Variants in CDH11 observed in about 807,000 individuals in gnomAD.
CDH11 encodes the protein cadherin 11, also known as cadherin-11.
Under a neutral mutation model 67.8 loss-of-function variants are expected in CDH11, and 11 were observed. The observed-to-expected ratio is 0.16, with a 90% CI of 0.10 to 0.27. The LOEUF is 0.27. CDH11 is among the 10% of genes least tolerant of loss of function. The probability of loss-of-function intolerance (pLI) is 1.00; values close to 1 mark genes in which losing one functional copy is unlikely to be tolerated. For synonymous variants in CDH11, 419 were observed against 400.0 expected (o/e 1.05, Z -0.57); for missense variants, 847 against 1,031.2 (o/e 0.82, Z 2.45).
intron 1 of CDH11, among the ~76,000 whole-genome samples, chr16:65,109,867 T>C (rs2075127262): frequency 6.8e-6 from 1 of 147,856 alleles, no homozygotes; most frequent in African/African-American, 2.5e-5. Flanking sequence ...CAAATTGGAC[T>C]ATTCAATGTT....
rs1373413516 is a variant in CDH11, at chr16:64,947,685, T to C, written c.2309A>G (p.Asp770Gly). 2.6e-5 allele frequency: 42 copies of C among 1,614,002 alleles called. No homozygotes were observed. The highest frequency in any genetic ancestry group is 3.6e-5 in the Non-Finnish European group (42 of 1,180,020). Residue 770 changes from aspartate to glycine, a missense_variant, in exon 13 of 13, where the codon GAT becomes GGT. Transcript: ENST00000268603. ...ACGAGGTCCCCAGTTCTGTAGATAA[T>C]CATAGTCCAAGTCTGAATCTGTGGT... is the stretch of plus-strand genomic sequence containing the variant. ...SATTDSDLDYDYLQNWGPRFK... is the reference protein window; with the variant it reads ...SATTDSDLDYGYLQNWGPRFK...
At chr16:65,113,851 G>A (rs1010660152) in intron 1 of CDH11, among the ~76,000 whole-genome samples, 2 of 152,104 alleles carry the variant, frequency 1.3e-5, no homozygotes, top group Non-Finnish European at 2.9e-5. Flanking sequence ...AGATGCTGGC[G>A]ACAATCTTAA....
Position 64,947,450 on chromosome 16 carries a change from G to T in CDH11, c.*153C>A. 6.9e-7 allele frequency: 1 copy of T among 1,445,582 alleles called. No homozygotes were observed. The highest frequency in any genetic ancestry group is 9.1e-7 in the Non-Finnish European group (1 of 1,099,404). 89.5% of individuals were successfully genotyped at this position (1,445,582 alleles called of 1,614,324 possible). On this transcript the variant is annotated 3_prime_UTR_variant, in exon 13 of 13. Coordinates refer to ENST00000268603, the MANE Select transcript of CDH11 (RefSeq NM_001797.4). ...ATTTCACAGTATTTACCACTTTGATGTCCTCGCAGTTTTATTAAATGTATC... is the reference window on the plus strand; with the variant it reads ...ATTTCACAGTATTTACCACTTTGATTTCCTCGCAGTTTTATTAAATGTATC...
At chr16:64,954,734 C>A (rs566347868) in intron 11 of CDH11, among the ~76,000 whole-genome samples, 1 of 152,210 alleles carries the variant, frequency 6.6e-6, no homozygotes, top group East Asian at 1.9e-4. Flanking sequence ...AGCCTTCTCT[C>A]AGAAGTGGCA....
chr16:65,025,099 A>G (rs1300259463), intron 2 of CDH11, among the ~76,000 whole-genome samples: 1 of 152,202 alleles, frequency 6.6e-6, no homozygotes, highest in Non-Finnish European at 1.5e-5. Context: ...GGCCCTGCTC[A>G]GGAGGCTGTG....
intron 3 of CDH11, among the ~76,000 whole-genome samples, chr16:65,000,696 C>CT (rs1467085965): frequency 6.6e-6 from 1 of 152,018 alleles, no homozygotes; most frequent in African/African-American, 2.4e-5. Context: ...GTAATCCCAG[C>CT]TACTTGGGAG....
rs574951199 is a variant in CDH11, at chr16:65,090,342, T to C, written c.-298+31538A>G. Among the ~76,000 whole-genome samples, 13 of 152,270 alleles carry C rather than the reference T, an allele frequency of 8.5e-5. No homozygotes were observed. The South Asian group carries it at 1.9e-3, about 22-fold the overall frequency. ...CAACTAACAATATTGTGTCTCTCAG[T>C]TGATTATGCTGGATACTTCATTCTG... On this transcript the variant is annotated intron_variant, in intron 1 of 12. Transcript: ENST00000268603.
chr16:65,014,314 A>T (rs2073249614), intron 2 of CDH11, among the ~76,000 whole-genome samples: 1 of 83,990 alleles, frequency 1.2e-5, no homozygotes, highest in Non-Finnish European at 3.5e-5. Flanking sequence ...CCATATATTT[A>T]AAAGTTCAAA....
chr16:65,081,493 C>T (rs1241450633), intron 1 of CDH11, among the ~76,000 whole-genome samples: 3 of 150,854 alleles, frequency 2.0e-5, no homozygotes, highest in East Asian at 2.0e-4. Flanking sequence ...GGCGTGAACC[C>T]GGGAGGCGGA....
intron 8 of CDH11, among the ~76,000 whole-genome samples, chr16:64,979,261 C>T (rs2072261561): frequency 6.6e-6 from 1 of 152,088 alleles, no homozygotes; most frequent in Non-Finnish European, 1.5e-5. Flanking sequence ...ACCAGCGTGG[C>T]CAACATGGCA....
intron 8 of CDH11, among the ~76,000 whole-genome samples, chr16:64,980,664 G>A (rs528404962): frequency 6.6e-6 from 1 of 152,270 alleles, no homozygotes; most frequent in South Asian, 2.1e-4. Flanking sequence ...AGTGAATGAG[G>A]TTAGATTATT....
chr16:64,957,276 G>C (rs1406872399), intron 11 of CDH11, among the ~76,000 whole-genome samples: 2 of 152,010 alleles, frequency 1.3e-5, no homozygotes, highest in African/African-American at 4.8e-5. Flanking sequence ...TTATGAAAAA[G>C]GCCACAGGGC....
intron 12 of CDH11, chr16:64,948,833 G>C: frequency 7.6e-7 from 1 of 1,315,444 alleles, no homozygotes; most frequent in Non-Finnish European, 1.0e-6. Context: ...TTCAGGCACA[G>C]TTTAATTCTT....
chr16:65,121,116 T>A lies in CDH11; in HGVS notation c.-298+764A>T, dbSNP rs2075321357. On this transcript the variant is annotated intron_variant, in intron 1 of 12. Coordinates refer to ENST00000268603, the MANE Select transcript of CDH11 (RefSeq NM_001797.4). This position sits in a 1 kb window ranked among gnomAD's most constrained non-coding sequence, Gnocchi z 4.1. Reference sequence around the variant, plus strand: ...AAGTTAACGTTGACCCTGGCAGCTTTCGCCAATCCCAAGCCAGAGGCGAGC... The same window carrying A: ...AAGTTAACGTTGACCCTGGCAGCTTACGCCAATCCCAAGCCAGAGGCGAGC... Among the ~76,000 whole-genome samples, 2 of 151,976 alleles carry A rather than the reference T, an allele frequency of 1.3e-5. No homozygotes were observed.
intron 1 of CDH11, among the ~76,000 whole-genome samples, chr16:65,074,411 C>A (rs1383362825): frequency 6.6e-6 from 1 of 152,280 alleles, no homozygotes; most frequent in East Asian, 1.9e-4. Context: ...CTGTGCAACC[C>A]CCCGGCTTAA....
At chr16:64,954,596 A>C (rs542164036) in intron 11 of CDH11, among the ~76,000 whole-genome samples, 1 of 152,276 alleles carries the variant, frequency 6.6e-6, no homozygotes, top group Non-Finnish European at 1.5e-5. Context: ...GTGAGCTGGT[A>C]AAGGTGAACA....
chr16:64,988,033 A>G (rs2072529307), intron 7 of CDH11, 124 bp downstream of exon 7: 1 of 675,160 alleles, frequency 1.5e-6, no homozygotes, highest in Admixed American at 2.8e-5. Flanking sequence ...TCAACTACAA[A>G]GTCAGGTCAG....
chr16:65,057,493 A>T (rs906735100), intron 1 of CDH11, among the ~76,000 whole-genome samples: 1 of 152,202 alleles, frequency 6.6e-6, no homozygotes, highest in Non-Finnish European at 1.5e-5. Flanking sequence ...GAACACCGTG[A>T]AGCCAGAGTG....
chr16:65,097,036 G>T (rs185567557), intron 1 of CDH11, among the ~76,000 whole-genome samples: 50 of 152,188 alleles, frequency 3.3e-4, no homozygotes, highest in African/African-American at 1.1e-3. Flanking sequence ...CATCATTGCA[G>T]AAGACTATGT....
Sources: allele counts gnomAD v4.1 joint callset (sites outside exome capture counted in the v4.1 genomes callset), GRCh38; gene constraint gnomAD v4.1.1; non-coding constraint Gnocchi (gnomAD v3.1); transcripts MANE v1.5; gene names NCBI Gene and HGNC (gene_info 2026-07-23, HGNC 2026-07-21).